The following BRI3BP variants were observed in gnomAD, a reference collection of about 807,000 sequenced individuals.
BRI3BP encodes the protein BRI3 binding protein.
BRI3BP carries 7 observed loss-of-function variants against 15.8 expected under a neutral mutation model. The ratio of observed to expected loss-of-function variants is 0.44; its 90% confidence interval spans 0.25 to 0.83. The LOEUF (loss-of-function observed/expected upper bound fraction) is 0.83. Among genes scored for constraint, BRI3BP ranks in the 40% least tolerant of loss-of-function variants. BRI3BP has a pLI of 0.20. For missense variants in BRI3BP, 320 were observed against 339.3 expected (o/e 0.94, Z 0.45); for synonymous variants, 192 against 163.5 (o/e 1.17, Z -1.33).
At chr12:125,022,193 A>G (rs1450032584) in intron 2 of BRI3BP, among the ~76,000 whole-genome samples, 1 of 151,762 alleles carries the variant, frequency 6.6e-6, no homozygotes, top group Non-Finnish European at 1.5e-5. Context: ...CCTCCAGGGG[A>G]TTCCTGGAGG....
At chr12:124,996,288 G>T (rs1006124803) in intron 1 of BRI3BP, among the ~76,000 whole-genome samples, 4 of 151,732 alleles carry the variant, frequency 2.6e-5, no homozygotes, top group South Asian at 2.1e-4. Flanking sequence ...AATTTTATGG[G>T]TTTTTTTTTA....
chr12:125,002,900 C>T (rs1032441124), intron 1 of BRI3BP, among the ~76,000 whole-genome samples: 31 of 152,160 alleles, frequency 2.0e-4, no homozygotes, highest in Admixed American at 7.9e-4. Context: ...TATCGGGGCT[C>T]GTGGTGTCTG....
chr12:125,016,862 T>G, intron 2 of BRI3BP, among the ~76,000 whole-genome samples: 1 of 131,288 alleles, frequency 7.6e-6, no homozygotes, highest in Non-Finnish European at 1.6e-5. Context: ...TGAGACAGAG[T>G]CTTGCTCTGT....
intron 2 of BRI3BP, among the ~76,000 whole-genome samples, chr12:125,024,088 A>T (rs1200592947): frequency 1.3e-5 from 2 of 152,240 alleles, no homozygotes; most frequent in East Asian, 3.8e-4. Context: ...AGACTAGGTA[A>T]TGCATAAATA....
intron 1 of BRI3BP, among the ~76,000 whole-genome samples, chr12:125,004,002 C>CACACACACACAA: frequency 4.2e-5 from 1 of 23,814 alleles, no homozygotes; most frequent in East Asian, 6.3e-4. Flanking sequence ...CACACACACA[C>CACACACACACAA]AACACACAAT....
intron 1 of BRI3BP, among the ~76,000 whole-genome samples, chr12:125,005,173 C>A (rs537211088): frequency 6.6e-6 from 1 of 152,220 alleles, no homozygotes; most frequent in East Asian, 1.9e-4. Flanking sequence ...AGGATGCTCC[C>A]AATTGGAATT....
the BRI3BP span, among the ~76,000 whole-genome samples, chr12:125,049,799 C>A: frequency 6.6e-6 from 1 of 152,152 alleles, no homozygotes; most frequent in African/African-American, 2.4e-5. Flanking sequence ...CCAATCAGCG[C>A]TCGGGCTGAG....
At chr12:125,018,054 C>T (rs1188845515) in intron 2 of BRI3BP, among the ~76,000 whole-genome samples, 1 of 152,100 alleles carries the variant, frequency 6.6e-6, no homozygotes, top group East Asian at 1.9e-4. Flanking sequence ...CGGGGGCTTA[C>T]AAAGGGGCCC....
chr12:125,017,615 A>G (rs1271804303), intron 2 of BRI3BP, among the ~76,000 whole-genome samples: 1 of 152,136 alleles, frequency 6.6e-6, no homozygotes, highest in East Asian at 1.9e-4. Flanking sequence ...GACTTGTCAC[A>G]TTTCAAGGGC....
the BRI3BP span, among the ~76,000 whole-genome samples, chr12:125,039,519 C>T: frequency 6.6e-6 from 1 of 152,178 alleles, no homozygotes; most frequent in African/African-American, 2.4e-5. Context: ...GGAGATAAAA[C>T]AAGTGGACTA....
chr12:125,044,262 C>T, the BRI3BP span, among the ~76,000 whole-genome samples: 1 of 151,972 alleles, frequency 6.6e-6, no homozygotes, highest in East Asian at 1.9e-4. Flanking sequence ...AAGCGATTCT[C>T]CTGCCTCAGC....
the BRI3BP span, among the ~76,000 whole-genome samples, chr12:125,049,866 A>C: frequency 6.6e-6 from 1 of 151,046 alleles, no homozygotes; most frequent in Non-Finnish European, 1.5e-5. Context: ...GGGTCGCGGG[A>C]AGGGAGGGGA....
chr12:125,020,399 A>C (rs1955286670), intron 2 of BRI3BP, among the ~76,000 whole-genome samples: 1 of 152,180 alleles, frequency 6.6e-6, no homozygotes, highest in Non-Finnish European at 1.5e-5. Flanking sequence ...CCTCTTTATA[A>C]GGGCACTAAA....
rs1262242040 is a variant in BRI3BP, at chr12:125,028,934, A to G, written c.*3504A>G. 1 of 152,208 alleles carries G rather than the reference A, an allele frequency of 6.6e-6. No homozygotes were observed. The highest frequency in any genetic ancestry group is 1.5e-5 in the Non-Finnish European group (1 of 68,036). 9.4% of individuals were successfully genotyped at this position (152,208 alleles called of 1,614,324 possible). On this transcript the variant is annotated 3_prime_UTR_variant, in exon 3 of 3. Transcript: ENST00000341446. ...TTCTATCTTCAGGGCTGTAGAATAT[A>G]TTAGCGTAACACTTCACTGAATGTG...
chr12:124,998,659 G>T (rs1955059579), intron 1 of BRI3BP, among the ~76,000 whole-genome samples: 1 of 152,164 alleles, frequency 6.6e-6, no homozygotes, highest in South Asian at 2.1e-4. Context: ...TCCTTTTGGG[G>T]TGATGACAGA....
At chr12:125,032,363 CAGG>C (rs2136004536), downstream of BRI3BP, among the ~76,000 whole-genome samples, 1 of 152,040 alleles carries the variant, frequency 6.6e-6, no homozygotes, top group South Asian at 2.1e-4. Context: ...GAGGCTAAGG[CAGG>C]AGAATTGCTT....
intron 1 of BRI3BP, among the ~76,000 whole-genome samples, chr12:125,000,622 A>T (rs1177255658): frequency 1.3e-5 from 2 of 152,034 alleles, no homozygotes; most frequent in Non-Finnish European, 2.9e-5. Flanking sequence ...TGTTTCCTAT[A>T]ATTTTTTATG....
chr12:124,995,433 C>T (rs1052081669), intron 1 of BRI3BP, among the ~76,000 whole-genome samples: 5 of 152,176 alleles, frequency 3.3e-5, no homozygotes, highest in Non-Finnish European at 5.9e-5. Context: ...CTTTTTCACG[C>T]AGGGTGACCA....
intron 2 of BRI3BP, among the ~76,000 whole-genome samples, 152 bp from the exon 3 acceptor site, chr12:125,024,837 AGT>A (rs565380741): frequency 3.9e-5 from 6 of 151,976 alleles, no homozygotes; most frequent in Non-Finnish European, 7.3e-5. Context: ...CATGGAGCAA[AGT>A]GTGACTATTC....
Sources: allele counts gnomAD v4.1 joint callset (sites outside exome capture counted in the v4.1 genomes callset), GRCh38; gene constraint gnomAD v4.1.1; transcripts MANE v1.5; gene names NCBI Gene and HGNC (gene_info 2026-07-23, HGNC 2026-07-21).